Variants in ADAM32 observed in about 807,000 individuals in gnomAD.
ADAM32 encodes disintegrin and metalloproteinase domain-containing protein 32.
ADAM32 carries 89 observed loss-of-function variants against 114.9 expected under a neutral mutation model. The observed-to-expected ratio is 0.77, with a 90% CI of 0.65 to 0.92. ADAM32 has a LOEUF of 0.92. Among genes scored for constraint, ADAM32 ranks in the 40% least tolerant of loss-of-function variants. The pLI is 0.00. For synonymous variants in ADAM32, 285 were observed against 307.5 expected (o/e 0.93, Z 0.77); for missense variants, 870 against 932.8 (o/e 0.93, Z 0.88).
Position 39,107,742 on chromosome 8 carries a change from A to C in ADAM32, c.-34A>C. ...CGTCCCTGGCAATTCCCGACTTCCC[A>C]ACGGCTTCCCGCTGGCAGCCCCGAA... On this transcript the variant is annotated 5_prime_UTR_variant, in exon 1 of 25. Coordinates refer to ENST00000379907, the MANE Select transcript of ADAM32 (RefSeq NM_145004.7). 1 of 1,550,226 alleles carries C rather than the reference A, an allele frequency of 6.5e-7. No homozygotes were observed.
intron 11 of ADAM32, among the ~76,000 whole-genome samples, chr8:39,189,658 A>C (rs1445315192): frequency 6.6e-6 from 1 of 152,120 alleles, no homozygotes; most frequent in Admixed American, 6.5e-5. Context: ...ATATACAATA[A>C]ATTACCATTA....
chr8:39,223,374 T>C (rs930834059), intron 14 of ADAM32, 136 bp downstream of exon 14: 4 of 408,750 alleles, frequency 9.8e-6, no homozygotes, highest in African/African-American at 8.3e-5. Context: ...TTTATATATA[T>C]TTTATTATAT....
At chr8:39,249,373 A>G (rs1167165345) in intron 17 of ADAM32, among the ~76,000 whole-genome samples, 1 of 152,134 alleles carries the variant, frequency 6.6e-6, no homozygotes, top group African/African-American at 2.4e-5. Flanking sequence ...AATTCTTTTT[A>G]TGCATTGTTG....
At chr8:39,279,345 C>T (rs906757288) in intron 22 of ADAM32, among the ~76,000 whole-genome samples, 2 of 152,084 alleles carry the variant, frequency 1.3e-5, no homozygotes, top group African/African-American at 2.4e-5. Context: ...AATGCAGTGG[C>T]GCGAGCTCAG....
Position 39,164,865 on chromosome 8 carries a change from ATTG to A in ADAM32, c.666+36_666+38del, listed in dbSNP as rs557187963. On this transcript the variant is annotated intron_variant, in intron 8 of 24. Coordinates refer to ENST00000379907, the MANE Select transcript of ADAM32 (RefSeq NM_145004.7). ...GTGTTTTCCTTTTCATATTAAAATA[ATTG>A]TTGTTTTGAAATGATAATTTGCCTA... The A allele has an allele frequency of 3.8e-4, 602 of 1,578,068 alleles. 10 individuals carry two copies. In the Middle Eastern group the frequency reaches 0.015, roughly 39 times the overall value.
intron 2 of ADAM32, among the ~76,000 whole-genome samples, chr8:39,135,664 C>T (rs191343946): frequency 7.3e-4 from 111 of 152,292 alleles, no homozygotes; most frequent in African/African-American, 2.6e-3. Flanking sequence ...ATGCCCCCTC[C>T]CAGGCTCCTT....
intron 11 of ADAM32, among the ~76,000 whole-genome samples, chr8:39,194,658 AGGCTGT>A (rs1806838927): frequency 6.6e-6 from 1 of 152,106 alleles, no homozygotes; most frequent in Admixed American, 6.5e-5. Flanking sequence ...TGGGCAACTG[AGGCTGT>A]GCTGCAAGCA....
At chr8:39,271,946 G>T (rs188089379) in intron 20 of ADAM32, among the ~76,000 whole-genome samples, 1 of 151,814 alleles carries the variant, frequency 6.6e-6, no homozygotes, top group African/African-American at 2.4e-5. Context: ...AGGAGGCTGA[G>T]GTGTGAGGAG....
chr8:39,170,136 G>A (rs1805100570), intron 10 of ADAM32, 139 bp downstream of exon 10: 1 of 565,632 alleles, frequency 1.8e-6, no homozygotes, highest in Non-Finnish European at 3.0e-6. Context: ...AAATTTTTAA[G>A]TGTGTAGAAG....
chr8:39,151,916 A>G (rs1347774088), intron 6 of ADAM32, among the ~76,000 whole-genome samples: 1 of 151,758 alleles, frequency 6.6e-6, no homozygotes, highest in Non-Finnish European at 1.5e-5. Context: ...ACCCGCCTCA[A>G]TCTCCCAAAA....
At chr8:39,170,209 A>G (rs1386499510) in intron 10 of ADAM32, among the ~76,000 whole-genome samples, 2 of 152,176 alleles carry the variant, frequency 1.3e-5, no homozygotes, top group African/African-American at 4.8e-5. Context: ...TGGAATAAAA[A>G]TATCATAAAT....
At position 39,274,301 on chromosome 8, in the gene ADAM32, T is replaced by C; in HGVS notation, c.2202-11T>C. 1.3e-6 allele frequency: 2 copies of C among 1,555,134 alleles called. No homozygotes were observed. Among genetic ancestry groups the C allele is most frequent in the Non-Finnish European group, 1.8e-6 (2 of 1,138,400 alleles). On this transcript the variant is annotated splice_polypyrimidine_tract_variant and intron_variant, in intron 20 of 24. Coordinates refer to ENST00000379907, the MANE Select transcript of ADAM32 (RefSeq NM_145004.7). Reference sequence around the variant, plus strand: ...TACTAACTTGAGACATTGCTTTCAATTTTTTTTTAGATCCAGCTCAGAAGG... The same window carrying C: ...TACTAACTTGAGACATTGCTTTCAACTTTTTTTTAGATCCAGCTCAGAAGG...
chr8:39,201,609 T>C (rs1206789247), intron 11 of ADAM32, among the ~76,000 whole-genome samples: 1 of 152,220 alleles, frequency 6.6e-6, no homozygotes, highest in Non-Finnish European at 1.5e-5. Flanking sequence ...CCTAATTGAA[T>C]ACCCTTTATT....
At position 39,232,118 on chromosome 8, in the gene ADAM32, T is replaced by A. The variant is rs1337587203; in HGVS notation, c.1617T>A (p.Tyr539Ter). The A allele has an allele frequency of 1.2e-6, 2 of 1,601,860 alleles. No individual in the cohort carries two copies. The highest frequency in any genetic ancestry group is 1.3e-5 in the African/African-American group (1 of 74,580). The change falls in exon 15 of 25, where the codon TAT (tyrosine) becomes TAA (stop). Residue 539 changes from tyrosine (Y) to a stop codon, truncating the protein, a stop_gained. Transcript: ENST00000379907. LOFTEE classifies it high-confidence loss of function. ...GNCGRDRNNK[Y>*]VFCGWRNLIC... ...GTGGTAGGGATAGAAATAACAAATA[T>A]GTGTTCTGTGGATGGAGGTATGCTC...
chr8:39,187,569 C>T (rs1806330679), intron 11 of ADAM32, among the ~76,000 whole-genome samples: 1 of 152,210 alleles, frequency 6.6e-6, no homozygotes, highest in Non-Finnish European at 1.5e-5. Context: ...CCGCGCCCGG[C>T]CAGGATCTTT....
At chr8:39,175,679 A>G (rs976919985) in intron 10 of ADAM32, among the ~76,000 whole-genome samples, 2 of 152,284 alleles carry the variant, frequency 1.3e-5, no homozygotes, top group East Asian at 3.9e-4. Flanking sequence ...TATCAGGATG[A>G]CGCTGGGTTC....
chr8:39,220,637 A>AT (rs1383945395), intron 12 of ADAM32, among the ~76,000 whole-genome samples: 3 of 151,884 alleles, frequency 2.0e-5, no homozygotes, highest in Admixed American at 1.3e-4. Flanking sequence ...GTTTCAAACA[A>AT]TTTTTTATTT....
intron 19 of ADAM32, among the ~76,000 whole-genome samples, chr8:39,267,146 G>T (rs1040203105): frequency 1.3e-5 from 2 of 152,214 alleles, no homozygotes; most frequent in Non-Finnish European, 2.9e-5. Context: ...GGTAGGTGGG[G>T]GTTCCCCCAT....
In ADAM32 at chr8:39,132,473, A is replaced by G. The variant is rs566824294; in HGVS notation, c.139-4184A>G. Reference sequence around the variant, plus strand: ...TTCTTCTCTGTACTGTTCTTGTCACATTATTACATCCATATTTTTTAAACC... The same window carrying G: ...TTCTTCTCTGTACTGTTCTTGTCACGTTATTACATCCATATTTTTTAAACC... On this transcript the variant is annotated intron_variant, in intron 2 of 24. Transcript: ENST00000379907. 1.2e-4 allele frequency among the ~76,000 whole-genome samples: 18 copies of G among 152,350 alleles called. No individual in the cohort carries two copies. The South Asian group carries it at 3.7e-3, about 32-fold the overall frequency.
Sources: allele counts gnomAD v4.1 joint callset (sites outside exome capture counted in the v4.1 genomes callset), GRCh38; gene constraint gnomAD v4.1.1; transcripts MANE v1.5; gene names NCBI Gene and HGNC (gene_info 2026-07-23, HGNC 2026-07-21).